CDH2: variants seen among roughly 807,000 people sequenced by gnomAD.
CDH2 encodes the protein cadherin-2.
A neutral mutation model predicts 92.0 loss-of-function variants in CDH2; 17 were observed. That is an observed-to-expected ratio of 0.18 (90% CI 0.13 to 0.28). The LOEUF is 0.28. Ranked by LOEUF, CDH2 falls within the 10% of genes least tolerant of loss-of-function variation. CDH2 has a pLI of 1.00. For synonymous variants in CDH2, 419 were observed against 415.9 expected (o/e 1.01, Z -0.09); for missense variants, 862 against 1,133.1 (o/e 0.76, Z 3.44).
chr18:28,007,874 C>A (rs17522499), intron 5 of CDH2, among the ~76,000 whole-genome samples: 98 of 152,216 alleles, frequency 6.4e-4, no homozygotes, highest in African/African-American at 2.3e-3. Context: ...GGATTACAGG[C>A]GTGCACCACT....
intron 2 of CDH2, among the ~76,000 whole-genome samples, chr18:28,117,161 G>A (rs1000608718): frequency 6.6e-6 from 1 of 152,028 alleles, no homozygotes. Flanking sequence ...GGGATGCCAT[G>A]GCACACAAAA....
At chr18:27,984,862 C>T (rs1271182121) in intron 13 of CDH2, 138 bp downstream of exon 13, 2 of 651,536 alleles carry the variant, frequency 3.1e-6, no homozygotes, top group African/African-American at 3.7e-5. Context: ...CTTGGTCGAC[C>T]CATATATGAT....
intron 2 of CDH2, among the ~76,000 whole-genome samples, chr18:28,065,130 T>C (rs2014482006): frequency 6.6e-6 from 1 of 152,190 alleles, no homozygotes; most frequent in African/African-American, 2.4e-5. Context: ...TCCCAGTTTG[T>C]AGCTCACTGT....
intron 2 of CDH2, among the ~76,000 whole-genome samples, chr18:28,057,533 T>C (rs1265712189): frequency 1.3e-5 from 2 of 152,042 alleles, no homozygotes; most frequent in African/African-American, 2.4e-5. Flanking sequence ...CTGGGCATGG[T>C]GGTGTGCACC....
intron 2 of CDH2, among the ~76,000 whole-genome samples, chr18:28,019,785 A>C (rs1197958239): frequency 6.6e-6 from 1 of 152,160 alleles, no homozygotes; most frequent in Non-Finnish European, 1.5e-5. Flanking sequence ...TTGCTCAAAT[A>C]TTAAAATACA....
intron 2 of CDH2, among the ~76,000 whole-genome samples, chr18:28,146,958 T>C (rs2016044949): frequency 6.6e-6 from 1 of 152,160 alleles, no homozygotes; most frequent in African/African-American, 2.4e-5. Context: ...TTTTATTTGC[T>C]TTCAATTAGA....
intron 14 of CDH2, among the ~76,000 whole-genome samples, chr18:27,981,375 T>G (rs760731116): frequency 6.6e-6 from 1 of 152,214 alleles, no homozygotes; most frequent in Non-Finnish European, 1.5e-5. Context: ...CAGAGACATT[T>G]ATAAGCAAAA....
At chr18:28,065,833 A>G (rs2014496152) in intron 2 of CDH2, among the ~76,000 whole-genome samples, 1 of 152,164 alleles carries the variant, frequency 6.6e-6, no homozygotes, top group Non-Finnish European at 1.5e-5. Context: ...GTGATACAGC[A>G]CCCTTTATTT....
At chr18:27,999,550 T>C (rs1194985362) in intron 7 of CDH2, among the ~76,000 whole-genome samples, 1 of 152,072 alleles carries the variant, frequency 6.6e-6, no homozygotes, top group Non-Finnish European at 1.5e-5. Flanking sequence ...TAGATAGTGC[T>C]CAACCAGGAG....
At chr18:28,101,547 C>A (rs2015227249) in intron 2 of CDH2, among the ~76,000 whole-genome samples, 2 of 152,144 alleles carry the variant, frequency 1.3e-5, no homozygotes, top group African/African-American at 4.8e-5. Context: ...GATTTATAAA[C>A]AAATACATCG....
chr18:28,080,144 C>A (rs989154184), intron 2 of CDH2, among the ~76,000 whole-genome samples: 12 of 152,004 alleles, frequency 7.9e-5, no homozygotes, highest in Non-Finnish European at 1.8e-4. Context: ...AAAGACAAGA[C>A]CCTGAGGGCA....
In CDH2 at chr18:28,166,148, T is replaced by TTATATATATATATA. The variant is rs1568024338; in HGVS notation, c.60+10814_60+10815insTATATATATATATA. Among the ~76,000 whole-genome samples the TTATATATATATATA allele has an allele frequency of 2.5e-4, 5 of 19,794 alleles. No homozygotes were observed. In the East Asian group the frequency reaches 9.5e-3, roughly 38 times the overall value. The allele number at this position is 19,794 out of a possible 152,430, so 13.0% of individuals were successfully genotyped here. ...CCAAAGAGGAGTAATTCAGACACACTCATATATATATATATATATATATAT... is the reference window on the plus strand; with the variant it reads ...CCAAAGAGGAGTAATTCAGACACACTTATATATATATATACATATATATATATATATATATATAT... On this transcript the variant is annotated intron_variant, in intron 1 of 15. Transcript: ENST00000269141.
intron 2 of CDH2, among the ~76,000 whole-genome samples, chr18:28,060,667 T>G (rs764892254): frequency 6.6e-6 from 1 of 152,212 alleles, no homozygotes; most frequent in Non-Finnish European, 1.5e-5. Context: ...ATTAGTAACC[T>G]TGTTAGTAAC....
intron 1 of CDH2, among the ~76,000 whole-genome samples, chr18:28,166,148 T>TCA (rs2016376657): frequency 5.1e-5 from 1 of 19,774 alleles, no homozygotes; most frequent in African/African-American, 2.4e-4. Flanking sequence ...TCAGACACAC[T>TCA]CATATATATA....
rs549035083 is a variant in CDH2 at position 28,096,720 on chromosome 18, T to C, written c.172+50953A>G. 7.2e-5 allele frequency among the ~76,000 whole-genome samples: 11 copies of C among 152,342 alleles called. No homozygotes were observed. The South Asian group carries it at 2.1e-3, about 29-fold the overall frequency. ...ACACAATCTAATATCATGTACTCAA[T>C]AGTTTATGATCGTGAAGGCACTGCA... On this transcript the variant is annotated intron_variant, in intron 2 of 15. Transcript: ENST00000269141.
chr18:28,006,547 G>A (rs1450090848), intron 5 of CDH2, among the ~76,000 whole-genome samples: 4 of 150,670 alleles, frequency 2.7e-5, no homozygotes, highest in Non-Finnish European at 4.4e-5. Context: ...GCGAAACCCC[G>A]TCTCTACTAA....
intron 15 of CDH2, among the ~76,000 whole-genome samples, chr18:27,953,560 A>G (rs1479489767): frequency 6.6e-6 from 1 of 152,172 alleles, no homozygotes; most frequent in Non-Finnish European, 1.5e-5. Context: ...ATACACATGC[A>G]TTTTATGAGC....
intron 2 of CDH2, among the ~76,000 whole-genome samples, chr18:28,077,933 A>C (rs2014755947): frequency 6.6e-6 from 1 of 151,288 alleles, no homozygotes; most frequent in Non-Finnish European, 1.5e-5. Context: ...GAAAAGGAAA[A>C]GTGAACATCA....
At chr18:27,999,021 T>A (rs978216217) in intron 7 of CDH2, among the ~76,000 whole-genome samples, 1 of 152,222 alleles carries the variant, frequency 6.6e-6, no homozygotes, top group Non-Finnish European at 1.5e-5. Context: ...ATATACTTTC[T>A]GTGTAACACA....
Sources: allele counts gnomAD v4.1 joint callset (sites outside exome capture counted in the v4.1 genomes callset), GRCh38; gene constraint gnomAD v4.1.1; transcripts MANE v1.5; gene names NCBI Gene and HGNC (gene_info 2026-07-23, HGNC 2026-07-21).